Variants in PPP3CC observed in about 807,000 individuals in gnomAD.
PPP3CC encodes the protein serine/threonine-protein phosphatase 2B catalytic subunit gamma isoform.
Under a neutral mutation model 60.3 loss-of-function variants are expected in PPP3CC, and 35 were observed. That is an observed-to-expected ratio of 0.58 (90% CI 0.44 to 0.77). The LOEUF is 0.77. PPP3CC is among the 30% of genes least tolerant of loss of function. PPP3CC has a pLI of 0.00. For missense variants in PPP3CC, 570 were observed against 628.9 expected (o/e 0.91, Z 1.00); for synonymous variants, 206 against 224.3 (o/e 0.92, Z 0.73).
At chr8:22,441,542 G>C in intron 1 of PPP3CC, 84 bp downstream of exon 1, 1 of 1,409,968 alleles carries the variant, frequency 7.1e-7, no homozygotes. Context: ...GGGAGGCTGG[G>C]GCCGGGCTGC....
At chr8:22,479,404 C>G (rs1193714963) in intron 3 of PPP3CC, among the ~76,000 whole-genome samples, 1 of 152,000 alleles carries the variant, frequency 6.6e-6, no homozygotes, top group Non-Finnish European at 1.5e-5. Context: ...TTTGTACGCT[C>G]CTTTTCTGAT....
intron 4 of PPP3CC, among the ~76,000 whole-genome samples, chr8:22,508,601 C>A (rs1236932342): frequency 1.3e-5 from 2 of 152,142 alleles, no homozygotes; most frequent in South Asian, 2.1e-4. Context: ...TATTTTGAGT[C>A]ATTCTTGGGA....
chr8:22,457,063 C>T (rs1257285058), intron 1 of PPP3CC, among the ~76,000 whole-genome samples: 2 of 125,236 alleles, frequency 1.6e-5, no homozygotes, highest in Non-Finnish European at 3.4e-5. Context: ...CCCTCCCTCC[C>T]TCCCTCCCTC....
At position 22,540,274 on chromosome 8, in the gene PPP3CC, GTA is replaced by G. The variant is rs1362451989; in HGVS notation, c.1352-339_1352-338del. 9.2e-5 allele frequency among the ~76,000 whole-genome samples: 14 copies of G among 152,168 alleles called. No individual in the cohort carries two copies. In the South Asian group the frequency reaches 1.0e-3, roughly 11 times the overall value. On this transcript the variant is annotated intron_variant, in intron 13 of 13. Transcript: ENST00000240139. Reference sequence around the variant, plus strand: ...AGTGTTGCCTTTGTTCTAGCATTGAGTATGTTTCTGGTGCATAAGACACTCTT... The same window carrying G: ...AGTGTTGCCTTTGTTCTAGCATTGAGTGTTTCTGGTGCATAAGACACTCTT...
intron 3 of PPP3CC, among the ~76,000 whole-genome samples, chr8:22,488,489 A>AG (rs1376367776): frequency 2.0e-5 from 3 of 152,256 alleles, no homozygotes; most frequent in African/African-American, 7.2e-5. Flanking sequence ...TTTGATAAAC[A>AG]GGCTTCAGGG....
chr8:22,532,327 A>G (rs939378753), intron 11 of PPP3CC, 21 bp downstream of exon 11: 2 of 1,573,638 alleles, frequency 1.3e-6, no homozygotes, highest in African/African-American at 1.4e-5. Context: ...CTGTCATTAC[A>G]GTGCGGATTA....
intron 12 of PPP3CC, among the ~76,000 whole-genome samples, chr8:22,534,435 AAG>A (rs1421343222): frequency 1.3e-5 from 2 of 152,064 alleles, no homozygotes; most frequent in African/African-American, 4.8e-5. Flanking sequence ...AAAAAAAAAA[AAG>A]AGTCTGACAA....
At chr8:22,528,179 G>A (rs538671807) in intron 9 of PPP3CC, among the ~76,000 whole-genome samples, 1 of 152,262 alleles carries the variant, frequency 6.6e-6, no homozygotes, top group East Asian at 1.9e-4. Context: ...AGGCCTGTTG[G>A]CTTAACTTTG....
intron 1 of PPP3CC, among the ~76,000 whole-genome samples, chr8:22,456,750 A>G (rs1221767998): frequency 1.3e-5 from 2 of 152,220 alleles, no homozygotes; most frequent in Admixed American, 1.3e-4. Context: ...TAGCTACACC[A>G]GTCCCCCTTC....
At chr8:22,540,269 A>C (rs574529110) in intron 13 of PPP3CC, among the ~76,000 whole-genome samples, 1 of 152,268 alleles carries the variant, frequency 6.6e-6, no homozygotes, top group South Asian at 2.1e-4. Context: ...TTGTTCTAGC[A>C]TTGAGTATGT....
intron 4 of PPP3CC, among the ~76,000 whole-genome samples, chr8:22,508,168 C>T (rs1338812934): frequency 6.6e-6 from 1 of 152,010 alleles, no homozygotes; most frequent in African/African-American, 2.4e-5. Context: ...GACAGGAGGA[C>T]CACTTGATCC....
chr8:22,477,861 A>T (rs1387644673), intron 3 of PPP3CC, among the ~76,000 whole-genome samples: 6 of 151,876 alleles, frequency 4.0e-5, no homozygotes, highest in Non-Finnish European at 8.8e-5. Context: ...TTATTTATTT[A>T]TTTTTTGAGA....
chr8:22,509,499 G>A (rs1285469734), intron 4 of PPP3CC, among the ~76,000 whole-genome samples: 3 of 152,102 alleles, frequency 2.0e-5, no homozygotes, highest in Non-Finnish European at 4.4e-5. Flanking sequence ...AGCACAGCTT[G>A]ACTTTTTGAA....
In PPP3CC at chr8:22,441,471, C is replaced by T; in HGVS notation, c.49+13C>T. 1 of 1,529,654 alleles carries T rather than the reference C, an allele frequency of 6.5e-7. No homozygotes were observed. Among genetic ancestry groups the T allele is most frequent in the East Asian group, 2.6e-5 (1 of 39,040 alleles). The allele number at this position is 1,529,654 out of a possible 1,614,324, so 94.8% of individuals were successfully genotyped here. On this transcript the variant is annotated intron_variant, in intron 1 of 13. Transcript: ENST00000240139. ...CGCGTCATCAAAGGTGCCTGGCGGG[C>T]CGGGCCTTCCTCTGGGACCCGCGGG...
At chr8:22,492,495 T>A in intron 3 of PPP3CC, 1 of 280,320 alleles carries the variant, frequency 3.6e-6, no homozygotes, top group Admixed American at 4.8e-5. Flanking sequence ...ATAAGATTTT[T>A]AATTTTGAGC....
At chr8:22,472,914 C>T (rs1323638062) in intron 1 of PPP3CC, among the ~76,000 whole-genome samples, 3 of 152,052 alleles carry the variant, frequency 2.0e-5, no homozygotes, top group East Asian at 1.9e-4. Flanking sequence ...GTGGCTATAA[C>T]GTTACTAGAT....
intron 1 of PPP3CC, among the ~76,000 whole-genome samples, chr8:22,472,137 A>T (rs189536860): frequency 3.5e-4 from 53 of 151,684 alleles, no homozygotes; most frequent in Admixed American, 8.6e-4. Flanking sequence ...TCAAAAACAA[A>T]TTTTTTTTCT....
At chr8:22,502,565 A>G (rs966856342) in intron 4 of PPP3CC, among the ~76,000 whole-genome samples, 5 of 152,102 alleles carry the variant, frequency 3.3e-5, no homozygotes, top group African/African-American at 9.7e-5. Context: ...GCATGTGCCT[A>G]TAGTTGCAGC....
intron 1 of PPP3CC, among the ~76,000 whole-genome samples, chr8:22,467,502 G>GCTCAC (rs1162562667): frequency 1.2e-4 from 18 of 152,026 alleles, no homozygotes; most frequent in Admixed American, 1.1e-3. Context: ...AGTTTCAGTG[G>GCTCAC]TGCGATCTCA....
Sources: gnomAD v4.1 joint callset for allele counts (sites outside exome capture counted in the v4.1 genomes callset) on GRCh38, gnomAD v4.1.1 for gene constraint, MANE v1.5 for transcripts, NCBI Gene and HGNC (gene_info 2026-07-23, HGNC 2026-07-21) for gene names.